Variants in RAB8A observed in about 807,000 individuals in gnomAD.
RAB8A encodes the protein ras-related protein Rab-8A.
A neutral mutation model predicts 29.2 loss-of-function variants in RAB8A; 5 were observed. The observed-to-expected ratio is 0.17, with a 90% CI of 0.09 to 0.36. The LOEUF (loss-of-function observed/expected upper bound fraction) is 0.36. Among genes scored for constraint, RAB8A ranks in the 10% least tolerant of loss-of-function variants. The pLI is 1.00. For synonymous variants in RAB8A, 108 were observed against 99.9 expected (o/e 1.08, Z -0.49); for missense variants, 171 against 272.2 (o/e 0.63, Z 2.62).
intron 6 of RAB8A, 118 bp downstream of exon 6, chr19:16,128,209 G>A (rs1393987426): frequency 3.7e-6 from 4 of 1,084,362 alleles, no homozygotes; most frequent in Non-Finnish European, 5.4e-6. Context: ...CGGGCTCAGG[G>A]CTGCCAGTCA....
At chr19:16,116,913 A>G (rs961134469) in intron 1 of RAB8A, among the ~76,000 whole-genome samples, 3 of 151,044 alleles carry the variant, frequency 2.0e-5, no homozygotes, top group Admixed American at 6.6e-5. Flanking sequence ...AAAAAAGGAT[A>G]CCAACCCTTC....
chr19:16,112,417 C>CT (rs2090828618), intron 1 of RAB8A: 2 of 215,318 alleles, frequency 9.3e-6, no homozygotes, highest in South Asian at 1.3e-4. Context: ...AAGACAGTGG[C>CT]ATCTCACCTT....
intron 7 of RAB8A, 143 bp downstream of exon 7, chr19:16,129,747 A>G (rs1164045440): frequency 9.4e-6 from 8 of 846,744 alleles, no homozygotes; most frequent in Non-Finnish European, 1.5e-5. Context: ...AAGGGGGAAG[A>G]GTTTGCAGGT....
chr19:16,125,715 C>A lies in RAB8A; in HGVS notation c.324+168C>A. 1 of 734,880 alleles carries A rather than the reference C, an allele frequency of 1.4e-6. No homozygotes were observed. 45.5% of individuals were successfully genotyped at this position (734,880 alleles called of 1,614,324 possible). On this transcript the variant is annotated intron_variant, in intron 4 of 7. Transcript: ENST00000300935. The surrounding 1 kb of genome is among the most constrained non-coding windows in gnomAD (Gnocchi z 5.0). ...GGGACTGAGATGCAAGCAGCCGGCC[C>A]CAGGGACCACACACTGGCCTGGCCC...
At chr19:16,112,367 A>G (rs2144980749) in intron 1 of RAB8A, 2 of 273,614 alleles carry the variant, frequency 7.3e-6, no homozygotes, top group East Asian at 8.6e-5. Flanking sequence ...CTTGCCTTAC[A>G]GAAGTGGAAA....
chr19:16,120,717 T>C (rs1434662954), intron 2 of RAB8A, among the ~76,000 whole-genome samples: 1 of 151,716 alleles, frequency 6.6e-6, no homozygotes, highest in East Asian at 1.9e-4. Context: ...TTCAAGCGAT[T>C]GTTGTGTCTC....
At position 16,125,460 on chromosome 19, in the gene RAB8A, C is replaced by T. The variant is rs2090895586; in HGVS notation, c.247-10C>T. ...CCGATCAGGCACCTGTGTCTTCTCTCCCCGCGCAGGGCATCATGCTGGTCT... is the reference window on the plus strand; with the variant it reads ...CCGATCAGGCACCTGTGTCTTCTCTTCCCGCGCAGGGCATCATGCTGGTCT... On this transcript the variant is annotated splice_polypyrimidine_tract_variant and intron_variant, in intron 3 of 7. Transcript: ENST00000300935. This position sits in a 1 kb window ranked among gnomAD's most constrained non-coding sequence, Gnocchi z 5.0. The T allele has an allele frequency of 6.2e-7, 1 of 1,613,312 alleles. No individual in the cohort carries two copies. Among genetic ancestry groups the T allele is most frequent in the African/African-American group, 1.3e-5 (1 of 75,030 alleles).
chr19:16,119,913 A>G (rs1284010447), intron 2 of RAB8A, among the ~76,000 whole-genome samples: 8 of 151,820 alleles, frequency 5.3e-5, no homozygotes, highest in African/African-American at 1.9e-4. Context: ...TCCTGGGTTC[A>G]GGCAATTCTT....
At chr19:16,115,825 G>T (rs145328504) in intron 1 of RAB8A, among the ~76,000 whole-genome samples, 3 of 152,158 alleles carry the variant, frequency 2.0e-5, no homozygotes, top group African/African-American at 7.2e-5. Context: ...GGGAGCTTAC[G>T]TTTGAGAGGG....
intron 1 of RAB8A, chr19:16,112,334 C>T (rs570813931): frequency 6.5e-5 from 21 of 325,538 alleles, no homozygotes; most frequent in Non-Finnish European, 8.0e-5. Flanking sequence ...AGCAGCAGCC[C>T]TCGAAGCGGT....
At chr19:16,112,216 G>C (rs1423475518) in intron 1 of RAB8A, among the ~76,000 whole-genome samples, 191 bp downstream of exon 1, 1 of 152,174 alleles carries the variant, frequency 6.6e-6, no homozygotes, top group African/African-American at 2.4e-5. Flanking sequence ...GGGAGACCAG[G>C]TGCCCATTTT....
intron 7 of RAB8A, among the ~76,000 whole-genome samples, chr19:16,131,822 A>G (rs1462761224): frequency 1.4e-5 from 2 of 147,192 alleles, no homozygotes; most frequent in Admixed American, 6.8e-5. Flanking sequence ...GGGTGAGTGG[A>G]TGGATGGATG....
In RAB8A at chr19:16,127,829, C is replaced by T. The variant is rs2090908467; in HGVS notation, c.415-197C>T. 1 of 646,090 alleles carries T rather than the reference C, an allele frequency of 1.5e-6. No individual in the cohort carries two copies. The allele number at this position is 646,090 out of a possible 1,614,324, so 40.0% of individuals were successfully genotyped here. A position where few individuals can be genotyped will look rare whatever the true frequency, so the allele number is the denominator to read the frequency against. Reference sequence around the variant, plus strand: ...CTCCCATCTCAGCTGCCATCCCCAGCAACTCCATGCCCTGTGAGGCCCTGT... The same window carrying T: ...CTCCCATCTCAGCTGCCATCCCCAGTAACTCCATGCCCTGTGAGGCCCTGT... On this transcript the variant is annotated intron_variant, in intron 5 of 7. Transcript: ENST00000300935. This position sits in a 1 kb window ranked among gnomAD's most constrained non-coding sequence, Gnocchi z 4.8.
At chr19:16,114,914 C>T (rs566488835) in intron 1 of RAB8A, among the ~76,000 whole-genome samples, 38 of 151,576 alleles carry the variant, frequency 2.5e-4, no homozygotes. Flanking sequence ...TCTTAGGCCT[C>T]ATAAAGTTTA....
intron 1 of RAB8A, among the ~76,000 whole-genome samples, chr19:16,115,626 G>T (rs925257574): frequency 6.6e-6 from 1 of 152,190 alleles, no homozygotes; most frequent in African/African-American, 2.4e-5. Context: ...CTTTGATCCA[G>T]CCATATTTTG....
chr19:16,129,528 G>A (rs2144996847), intron 6 of RAB8A, 26 bp from the exon 7 acceptor site: 1 of 1,613,064 alleles, frequency 6.2e-7, no homozygotes, highest in Non-Finnish European at 8.5e-7. Flanking sequence ...GCCATCCCAA[G>A]GACTCACAAT....
chr19:16,120,662 A>C (rs2090870738), intron 2 of RAB8A, among the ~76,000 whole-genome samples: 1 of 148,882 alleles, frequency 6.7e-6, no homozygotes, highest in South Asian at 2.1e-4. Context: ...CCATGCTGGA[A>C]TATAGCGGCA....
Position 16,125,100 on chromosome 19 carries a change from A to C in RAB8A, c.247-370A>C. 1 of 354,388 alleles carries C rather than the reference A, an allele frequency of 2.8e-6. No individual in the cohort carries two copies. The highest frequency in any genetic ancestry group is 3.8e-5 in the Admixed American group (1 of 26,346). 22.0% of individuals were successfully genotyped at this position (354,388 alleles called of 1,614,324 possible). A position where few individuals can be genotyped will look rare whatever the true frequency, so the allele number is the denominator to read the frequency against. ...TGCAGGGGAGGGTCAGCGTGAGGGG[A>C]GTGCTGCTGGCAGTGGGCCTGTGGA... is the stretch of plus-strand genomic sequence containing the variant. On this transcript the variant is annotated intron_variant, in intron 3 of 7. Transcript: ENST00000300935. The surrounding 1 kb of genome is among the most constrained non-coding windows in gnomAD (Gnocchi z 5.0).
Position 16,132,212 on chromosome 19 carries a change from G to A in RAB8A, c.532G>A (p.Glu178Lys). 9 of 1,612,934 alleles carry A rather than the reference G, an allele frequency of 5.6e-6. No individual in the cohort carries two copies. Among genetic ancestry groups the A allele is most frequent in the Non-Finnish European group, 7.6e-6 (9 of 1,178,962 alleles). Residue 178 changes from glutamate (E) to lysine (K), a missense_variant and splice_region_variant, in exon 8 of 8, where the codon GAA becomes AAA. By Grantham distance (56) the Glu-to-Lys change is moderately conservative (BLOSUM62 1). Transcript: ENST00000300935. The surrounding 1 kb of genome is among the most constrained non-coding windows in gnomAD (Gnocchi z 5.6). The stretch of plus-strand genomic sequence containing the variant: ...CTCAGAAAACCTCTTGTGATTTCAG[G>A]AAGGCAACAGCCCCCAGGGGAGCAA... ...DIKAKMDKKL[E>K]GNSPQGSNQG...
Sources: gnomAD v4.1 joint callset for allele counts (sites outside exome capture counted in the v4.1 genomes callset) on GRCh38, gnomAD v4.1.1 for gene constraint, Gnocchi (gnomAD v3.1) non-coding constraint, MANE v1.5 for transcripts, NCBI Gene and HGNC (gene_info 2026-07-23, HGNC 2026-07-21) for gene names.